The following HCN1 variants were observed in gnomAD, a reference collection of about 807,000 sequenced individuals.
HCN1 encodes the protein hyperpolarization activated cyclic nucleotide gated potassium channel 1.
Under a neutral mutation model 78.9 loss-of-function variants are expected in HCN1, and 13 were observed. The observed-to-expected ratio is 0.16, with a 90% CI of 0.11 to 0.26. The LOEUF (loss-of-function observed/expected upper bound fraction) is 0.26. Ranked by LOEUF, HCN1 falls within the 10% of genes least tolerant of loss-of-function variation. HCN1 has a pLI of 1.00. For missense variants in HCN1, 810 were observed against 1,154.3 expected, an observed-to-expected ratio of 0.70 and a Z score of 4.32; for synonymous variants, 552 against 455.5, an observed-to-expected ratio of 1.21 and a Z score of -2.70.
Position 45,560,879 on chromosome 5 carries a change from T to C in HCN1, c.849+84306A>G, listed in dbSNP as rs182432302. 4.1e-3 allele frequency among the ~76,000 whole-genome samples: 631 copies of C among 152,248 alleles called. 2 individuals carry two copies. Among genetic ancestry groups the C allele is most frequent in the Non-Finnish European group, 3.7e-3 (250 of 67,984 alleles). On this transcript the variant is annotated intron_variant, in intron 2 of 7. Transcript: ENST00000303230. ...AATACGACACTGCTTAAACCTTCCA[T>C]TGGCTTTTCTCTATAGCGTGGAAGT...
intron 2 of HCN1, among the ~76,000 whole-genome samples, chr5:45,499,885 C>T (rs1368303998): frequency 6.6e-6 from 1 of 152,162 alleles, no homozygotes; most frequent in Non-Finnish European, 1.5e-5. Context: ...CCAGCCTACT[C>T]TGTTGATAAT....
intron 4 of HCN1, among the ~76,000 whole-genome samples, chr5:45,379,341 C>T (rs1365978055): frequency 6.6e-6 from 1 of 151,948 alleles, no homozygotes; most frequent in Non-Finnish European, 1.5e-5. Flanking sequence ...TAATGTGAAA[C>T]ACTATTTAGG....
intron 3 of HCN1, among the ~76,000 whole-genome samples, chr5:45,422,061 T>C (rs1371469969): frequency 6.6e-6 from 1 of 152,152 alleles, no homozygotes; most frequent in Non-Finnish European, 1.5e-5. Context: ...TTCCCTGAAA[T>C]ATATATAACC....
At chr5:45,523,022 C>T (rs1742647090) in intron 2 of HCN1, among the ~76,000 whole-genome samples, 1 of 151,502 alleles carries the variant, frequency 6.6e-6, no homozygotes. Flanking sequence ...CCCCACCCCA[C>T]AACAGTCCCC....
intron 4 of HCN1, among the ~76,000 whole-genome samples, chr5:45,389,182 C>A (rs554932985): frequency 7.2e-5 from 11 of 152,092 alleles, no homozygotes; most frequent in Non-Finnish European, 1.2e-4. Flanking sequence ...TCACCTTTCT[C>A]TCTGTTCTAG....
At chr5:45,570,461 A>G (rs1005115448) in intron 2 of HCN1, among the ~76,000 whole-genome samples, 1 of 152,138 alleles carries the variant, frequency 6.6e-6, no homozygotes, top group East Asian at 1.9e-4. Flanking sequence ...ATACTACCTT[A>G]CCAGCTGGGA....
chr5:45,681,044 G>A (rs1397847764), intron 1 of HCN1, among the ~76,000 whole-genome samples: 1 of 152,008 alleles, frequency 6.6e-6, no homozygotes, highest in Non-Finnish European at 1.5e-5. Flanking sequence ...GCCTGCCCAA[G>A]AACTGGGATC....
chr5:45,605,391 G>A (rs529899087), intron 2 of HCN1, among the ~76,000 whole-genome samples: 30 of 151,896 alleles, frequency 2.0e-4, no homozygotes, highest in African/African-American at 7.0e-4. Context: ...GTTTCTAATA[G>A]CAATGAATTA....
intron 4 of HCN1, among the ~76,000 whole-genome samples, chr5:45,374,777 T>C (rs1423499083): frequency 6.7e-6 from 1 of 148,296 alleles, no homozygotes; most frequent in African/African-American, 2.5e-5. Context: ...TGAATATATA[T>C]ATATATGTGT....
intron 2 of HCN1, among the ~76,000 whole-genome samples, chr5:45,478,203 C>G (rs1213744370): frequency 6.6e-6 from 1 of 151,952 alleles, no homozygotes; most frequent in African/African-American, 2.4e-5. Context: ...TAAAAGCCAG[C>G]TTTGTGAAAA....
chr5:45,375,809 TATA>T (rs1371185989), intron 4 of HCN1, among the ~76,000 whole-genome samples: 1 of 115,612 alleles, frequency 8.6e-6, no homozygotes, highest in South Asian at 2.5e-4. Context: ...ATATCTTATA[TATA>T]ATATAATATT....
chr5:45,602,494 A>T (rs1744645594), intron 2 of HCN1, among the ~76,000 whole-genome samples: 1 of 152,098 alleles, frequency 6.6e-6, no homozygotes, highest in Non-Finnish European at 1.5e-5. Flanking sequence ...CCTCCAAAAC[A>T]GTGAGAATAT....
At chr5:45,692,666 T>C (rs1297110301) in intron 1 of HCN1, among the ~76,000 whole-genome samples, 3 of 151,966 alleles carry the variant, frequency 2.0e-5, no homozygotes, top group African/African-American at 7.3e-5. Context: ...TAGAGAAAAC[T>C]ACCTGCCAGA....
At chr5:45,631,178 T>A (rs1480035288) in intron 2 of HCN1, among the ~76,000 whole-genome samples, 1 of 152,178 alleles carries the variant, frequency 6.6e-6, no homozygotes, top group African/African-American at 2.4e-5. Flanking sequence ...CCTGTCTCCA[T>A]CTCTCAGCAA....
In HCN1 at chr5:45,261,243, C is replaced by T. The variant is rs757378689; in HGVS notation, c.*678G>A. 7 of 152,486 alleles carry T rather than the reference C, an allele frequency of 4.6e-5. No individual in the cohort carries two copies. Among genetic ancestry groups the T allele is most frequent in the Non-Finnish European group, 8.8e-5 (6 of 68,024 alleles). 9.4% of individuals were successfully genotyped at this position (152,486 alleles called of 1,614,324 possible). On this transcript the variant is annotated 3_prime_UTR_variant, in exon 8 of 8. Transcript: ENST00000303230. ...CATTGATCGAGTCTTGGTAAAAGTC[C>T]GATAACACATGAAGACAAATATTAA...
At chr5:45,423,246 G>A (rs1740264042) in intron 3 of HCN1, among the ~76,000 whole-genome samples, 1 of 152,172 alleles carries the variant, frequency 6.6e-6, no homozygotes, top group Non-Finnish European at 1.5e-5. Context: ...ACATTACTGA[G>A]GTGTTAATGG....
At chr5:45,538,908 G>A (rs1743027977) in intron 2 of HCN1, among the ~76,000 whole-genome samples, 1 of 152,180 alleles carries the variant, frequency 6.6e-6, no homozygotes, top group African/African-American at 2.4e-5. Flanking sequence ...TTCAGGTACT[G>A]TGAAATAAGA....
In HCN1 at chr5:45,259,189, C is replaced by T. The variant is rs534449320; in HGVS notation, c.*2732G>A. On this transcript the variant is annotated 3_prime_UTR_variant, in exon 8 of 8. Coordinates refer to ENST00000303230, the MANE Select transcript of HCN1 (RefSeq NM_021072.4). ...ATGTAAAAATAGAGGCAAAGCTGTA[C>T]TCATTAATAAAATAAAACATTTGAT... 1 of 151,790 alleles carries T rather than the reference C, an allele frequency of 6.6e-6. No individual in the cohort carries two copies. Among genetic ancestry groups the T allele is most frequent in the African/African-American group, 2.4e-5 (1 of 41,438 alleles). The allele number at this position is 151,790 out of a possible 1,614,324, so 9.4% of individuals were successfully genotyped here. A position where few individuals can be genotyped will look rare whatever the true frequency, so the allele number is the denominator to read the frequency against.
chr5:45,438,532 A>C (rs1418918187), intron 3 of HCN1, among the ~76,000 whole-genome samples: 1 of 151,060 alleles, frequency 6.6e-6, no homozygotes, highest in East Asian at 2.0e-4. Context: ...TGGAGCTTGC[A>C]GTGAGCCGAA....
Sources: gnomAD v4.1 joint callset for allele counts (sites outside exome capture counted in the v4.1 genomes callset) on GRCh38, gnomAD v4.1.1 for gene constraint, MANE v1.5 for transcripts, NCBI Gene and HGNC (gene_info 2026-07-23, HGNC 2026-07-21) for gene names.